Variants in STK32B observed in about 807,000 individuals in gnomAD.
STK32B encodes serine/threonine kinase 32B, also known as serine/threonine-protein kinase 32B.
STK32B carries 43 observed loss-of-function variants against 52.6 expected under a neutral mutation model. That is an observed-to-expected ratio of 0.82 (90% confidence interval 0.64 to 1.05). The LOEUF (loss-of-function observed/expected upper bound fraction) is 1.05. STK32B is among the 50% of genes least tolerant of loss of function. The probability of loss-of-function intolerance (pLI) is 0.00; values close to 1 mark genes in which losing one functional copy is unlikely to be tolerated. For missense variants in STK32B, 621 were observed against 534.6 expected (o/e 1.16, Z -1.59); for synonymous variants, 238 against 204.3 (o/e 1.17, Z -1.41).
chr4:5,308,486 A>G (rs776284058), intron 3 of STK32B, among the ~76,000 whole-genome samples: 1 of 152,112 alleles, frequency 6.6e-6, no homozygotes, highest in Non-Finnish European at 1.5e-5. Flanking sequence ...ATTTTTGTGT[A>G]TTCCTCTAGA....
intron 3 of STK32B, among the ~76,000 whole-genome samples, chr4:5,221,341 GA>G (rs889069481): frequency 6.6e-6 from 1 of 152,108 alleles, no homozygotes; most frequent in Non-Finnish European, 1.5e-5. Flanking sequence ...GAGATGTCAA[GA>G]AAATAAAATT....
At chr4:5,262,963 G>T (rs1726821332) in intron 3 of STK32B, among the ~76,000 whole-genome samples, 1 of 152,106 alleles carries the variant, frequency 6.6e-6, no homozygotes, top group African/African-American at 2.4e-5. Context: ...ACTTAGCTCA[G>T]ATATCAACTA....
intron 2 of STK32B, among the ~76,000 whole-genome samples, chr4:5,159,329 C>T (rs1490489641): frequency 6.6e-6 from 1 of 151,696 alleles, no homozygotes; most frequent in East Asian, 1.9e-4. Flanking sequence ...AGTATGGTGG[C>T]TACAGTGGCT....
chr4:5,368,801 G>A (rs1344053253), intron 4 of STK32B, among the ~76,000 whole-genome samples: 3 of 152,200 alleles, frequency 2.0e-5, no homozygotes, highest in East Asian at 3.8e-4. Context: ...TGGGGACACT[G>A]TGCAAGCCCA....
At chr4:5,223,925 A>G (rs1263439449) in intron 3 of STK32B, among the ~76,000 whole-genome samples, 1 of 148,596 alleles carries the variant, frequency 6.7e-6, no homozygotes, top group African/African-American at 2.5e-5. Flanking sequence ...CCTCTTTCCT[A>G]TTTCTTCCTT....
the STK32B span, among the ~76,000 whole-genome samples, chr4:5,035,468 G>A: frequency 2.6e-5 from 4 of 152,196 alleles, no homozygotes; most frequent in Non-Finnish European, 5.9e-5. Context: ...CGATATGCTC[G>A]ACTATGCCTG....
At chr4:5,269,027 C>A (rs926558045) in intron 3 of STK32B, among the ~76,000 whole-genome samples, 7 of 152,058 alleles carry the variant, frequency 4.6e-5, no homozygotes, top group African/African-American at 1.4e-4. Context: ...TGAGGAAGAG[C>A]CCAGGGGTCT....
At chr4:5,036,936 G>T in the STK32B span, among the ~76,000 whole-genome samples, 1 of 152,106 alleles carries the variant, frequency 6.6e-6, no homozygotes, top group African/African-American at 2.4e-5. Flanking sequence ...AAAGTGCTGG[G>T]ATTATAGGCA....
the STK32B span, among the ~76,000 whole-genome samples, chr4:5,036,487 GC>G: frequency 1.3e-5 from 2 of 152,088 alleles, no homozygotes; most frequent in Non-Finnish European, 2.9e-5. Context: ...GCCGTTTCTT[GC>G]TGAGTCATCA....
intron 3 of STK32B, among the ~76,000 whole-genome samples, chr4:5,232,527 G>A (rs60396779): frequency 0.16 from 24,925 of 152,082 alleles, 2,836 homozygotes; most frequent in African/African-American, 0.3. Flanking sequence ...GGGACTCCTT[G>A]AATTCTGTCT....
At chr4:5,333,482 G>T (rs1201062496) in intron 4 of STK32B, among the ~76,000 whole-genome samples, 18 of 152,220 alleles carry the variant, frequency 1.2e-4, no homozygotes, top group East Asian at 1.9e-4. Flanking sequence ...TTAGTTTAAT[G>T]AGATCCCATT....
intron 11 of STK32B, among the ~76,000 whole-genome samples, chr4:5,489,710 T>C (rs1312976725): frequency 6.6e-6 from 1 of 152,194 alleles, no homozygotes; most frequent in East Asian, 1.9e-4. Flanking sequence ...AACCTCCGCC[T>C]CCCAGGTTCA....
the STK32B span, among the ~76,000 whole-genome samples, chr4:5,046,203 AT>A: frequency 1.3e-5 from 2 of 152,330 alleles, no homozygotes; most frequent in East Asian, 3.9e-4. Context: ...GACCACAGAA[AT>A]AACACCACAC....
rs1737244576 is a variant in STK32B, at chr4:5,400,857, GA to G, written c.472+2615del. 6.6e-6 allele frequency among the ~76,000 whole-genome samples: 1 copy of G among 152,158 alleles called. No homozygotes were observed. The highest frequency in any genetic ancestry group is 1.5e-5 in the Non-Finnish European group (1 of 68,030). On this transcript the variant is annotated intron_variant, in intron 5 of 11. Transcript: ENST00000282908. This position sits in a 1 kb window ranked among gnomAD's most constrained non-coding sequence, Gnocchi z 6.1. ...GCTGTGTGCCAAGTTCTGGTTAACA[GA>G]ATGATGAACAAGGCAAACAGGGTCC...
chr4:5,431,572 G>T (rs1451994686), intron 6 of STK32B, among the ~76,000 whole-genome samples: 1 of 151,514 alleles, frequency 6.6e-6, no homozygotes, highest in African/African-American at 2.4e-5. Context: ...TTCTGATACT[G>T]GTGCATCATT....
At chr4:5,133,676 AATCTT>A (rs1715904218) in intron 1 of STK32B, among the ~76,000 whole-genome samples, 1 of 152,180 alleles carries the variant, frequency 6.6e-6, no homozygotes, top group South Asian at 2.1e-4. Context: ...TTCCAAGAAA[AATCTT>A]AGAGAGATGT....
intron 1 of STK32B, among the ~76,000 whole-genome samples, chr4:5,056,873 C>T (rs961460897): frequency 5.3e-5 from 8 of 152,120 alleles, no homozygotes; most frequent in East Asian, 1.9e-4. Context: ...GGAGTATCAA[C>T]GGAAAAAGGG....
chr4:5,319,301 T>C (rs768018006), intron 3 of STK32B, among the ~76,000 whole-genome samples: 2 of 152,184 alleles, frequency 1.3e-5, no homozygotes, highest in Non-Finnish European at 2.9e-5. Flanking sequence ...GTTTGTGTGC[T>C]CTCCTGAATA....
intron 4 of STK32B, among the ~76,000 whole-genome samples, chr4:5,382,946 T>C (rs1736024048): frequency 6.6e-6 from 1 of 152,194 alleles, no homozygotes; most frequent in South Asian, 2.1e-4. Context: ...GCTCTCTGAC[T>C]CTTATGCGTT....
Sources: gnomAD v4.1 joint callset for allele counts (sites outside exome capture counted in the v4.1 genomes callset) on GRCh38, gnomAD v4.1.1 for gene constraint, Gnocchi (gnomAD v3.1) non-coding constraint, MANE v1.5 for transcripts, NCBI Gene and HGNC (gene_info 2026-07-23, HGNC 2026-07-21) for gene names.